The following PCYT1A variants were observed in gnomAD, a reference collection of about 807,000 sequenced individuals.
PCYT1A encodes the protein phosphate cytidylyltransferase 1A, choline.
PCYT1A carries 25 observed loss-of-function variants against 43.7 expected under a neutral mutation model. The observed-to-expected ratio is 0.57, with a 90% CI of 0.42 to 0.80. The LOEUF (loss-of-function observed/expected upper bound fraction) is 0.80, where lower values mean the gene tolerates loss of function less well. Ranked by LOEUF, PCYT1A falls within the 30% of genes least tolerant of loss-of-function variation. PCYT1A has a pLI of 0.00. For synonymous variants in PCYT1A, 172 were observed against 170.7 expected (o/e 1.01, Z -0.06); for missense variants, 421 against 474.2 (o/e 0.89, Z 1.04).
At position 196,277,859 on chromosome 3, in the gene PCYT1A, C is replaced by T. The variant is rs568643225; in HGVS notation, c.-10-7318G>A. On this transcript the variant is annotated intron_variant, in intron 1 of 8. Transcript: ENST00000431016. This position sits in a 1 kb window ranked among gnomAD's most constrained non-coding sequence, Gnocchi z 4.1. ...CTGCGCTCCAGCCTGGGCGACAGAG[C>T]GAGACTTTGTCTCAAAATAATAATA... Among the ~76,000 whole-genome samples, 16 of 152,302 alleles carry T rather than the reference C, an allele frequency of 1.1e-4. No individual in the cohort carries two copies. The highest frequency in any genetic ancestry group is 2.6e-4 in the African/African-American group (11 of 41,574).
At position 196,238,280 on chromosome 3, in the gene PCYT1A, C is replaced by T. The variant is rs373704432; in HGVS notation, c.*408G>A. 4.7e-4 allele frequency: 74 copies of T among 156,352 alleles called. No homozygotes were observed. Among genetic ancestry groups the T allele is most frequent in the Admixed American group, 1.4e-3 (22 of 15,400 alleles). The allele number at this position is 156,352 out of a possible 1,614,324, so 9.7% of individuals were successfully genotyped here. ...ACGGAAGGCAAATGCTATAGTATAC[C>T]GGGAAGAAAAGGCCTCTGCGTATTA... On this transcript the variant is annotated 3_prime_UTR_variant, in exon 9 of 9. Coordinates refer to ENST00000431016, the MANE Select transcript of PCYT1A (RefSeq NM_001312673.2).
chr3:196,236,252 A>C lies in PCYT1A; in HGVS notation c.*2436T>G, dbSNP rs146081746. The C allele has an allele frequency of 3.9e-4, 60 of 152,364 alleles. 1 individual carries two copies. Among genetic ancestry groups the C allele is most frequent in the African/African-American group, 1.2e-3 (48 of 41,566 alleles). The allele number at this position is 152,364 out of a possible 1,614,324, so 9.4% of individuals were successfully genotyped here. A position where few individuals can be genotyped will look rare whatever the true frequency, so the allele number is the denominator to read the frequency against. ...CCACGTTCCGGGCATCTCCCTGTCT[A>C]TCCAAATACACTTGCATAATGTGCA... On this transcript the variant is annotated 3_prime_UTR_variant, in exon 9 of 9. Transcript: ENST00000431016.
intron 2 of PCYT1A, among the ~76,000 whole-genome samples, chr3:196,263,962 A>G (rs1432177085): frequency 6.6e-6 from 1 of 152,146 alleles, no homozygotes; most frequent in Non-Finnish European, 1.5e-5. Flanking sequence ...AAAGAAAAGC[A>G]ATCATTCTCC....
intron 2 of PCYT1A, among the ~76,000 whole-genome samples, chr3:196,259,467 GA>G (rs1262101765): frequency 6.6e-6 from 1 of 152,146 alleles, no homozygotes; most frequent in Admixed American, 6.6e-5. Flanking sequence ...AGACTGGGAA[GA>G]TACTGTTTTG....
In PCYT1A at chr3:196,278,951, C is replaced by T. The variant is rs1331344777; in HGVS notation, c.-10-8410G>A. Reference sequence around the variant, plus strand: ...AGCCAAGATCGTTCCACTGTACTCCCGCCTGGGTGACAGAGCAAGACCTCA... The same window carrying T: ...AGCCAAGATCGTTCCACTGTACTCCTGCCTGGGTGACAGAGCAAGACCTCA... On this transcript the variant is annotated intron_variant, in intron 1 of 8. Transcript: ENST00000431016. Among the ~76,000 whole-genome samples the T allele has an allele frequency of 3.5e-5, 5 of 144,788 alleles. No homozygotes were observed. In the East Asian group the frequency reaches 1.0e-3, roughly 29 times the overall value. The allele number at this position is 144,788 out of a possible 152,430, so 95.0% of individuals were successfully genotyped here.
In PCYT1A at chr3:196,276,129, A is replaced by G. The variant is rs554581006; in HGVS notation, c.-10-5588T>C. Among the ~76,000 whole-genome samples, 12 of 151,962 alleles carry G rather than the reference A, an allele frequency of 7.9e-5. No individual in the cohort carries two copies. In the East Asian group the frequency reaches 1.9e-3, roughly 24 times the overall value. Reference sequence around the variant, plus strand: ...AAAAAAAACCAAAACAAAATAAATAATAATGCATTTTATATTTCAAAATTG... The same window carrying G: ...AAAAAAAACCAAAACAAAATAAATAGTAATGCATTTTATATTTCAAAATTG... On this transcript the variant is annotated intron_variant, in intron 1 of 8. Coordinates refer to ENST00000431016, the MANE Select transcript of PCYT1A (RefSeq NM_001312673.2).
chr3:196,263,843 A>G (rs1415601017), intron 2 of PCYT1A, among the ~76,000 whole-genome samples: 3 of 152,130 alleles, frequency 2.0e-5, no homozygotes, highest in African/African-American at 7.2e-5. Flanking sequence ...CATGTTGGCC[A>G]GGATGGTCTC....
rs929202545 is a variant in PCYT1A at position 196,252,698 on chromosome 3, A to G, written c.218-4375T>C. On this transcript the variant is annotated intron_variant, in intron 3 of 8. Transcript: ENST00000431016. This position sits in a 1 kb window ranked among gnomAD's most constrained non-coding sequence, Gnocchi z 4.0. ...TTTCCAACCAGCTTTCTTCCTCTGT[A>G]ACCTTAACTTCCTTATGCCTCAGTT... Among the ~76,000 whole-genome samples, 6 of 152,226 alleles carry G rather than the reference A, an allele frequency of 3.9e-5. No homozygotes were observed. The highest frequency in any genetic ancestry group is 1.4e-4 in the African/African-American group (6 of 41,466).
chr3:196,282,711 G>A lies in PCYT1A; in HGVS notation c.-11+4904C>T, dbSNP rs1161814856. On this transcript the variant is annotated intron_variant, in intron 1 of 8. Coordinates refer to ENST00000431016, the MANE Select transcript of PCYT1A (RefSeq NM_001312673.2). The surrounding 1 kb of genome is among the most constrained non-coding windows in gnomAD (Gnocchi z 4.3). ...GAACTCTAAAAGCTTTCACCACACT[G>A]CCAAAGGAGTCCATAACACAAAAAA... Among the ~76,000 whole-genome samples, 1 of 151,962 alleles carries A rather than the reference G, an allele frequency of 6.6e-6. No individual in the cohort carries two copies. The highest frequency in any genetic ancestry group is 2.4e-5 in the African/African-American group (1 of 41,356).
rs1190960246 is a variant in PCYT1A at position 196,284,595 on chromosome 3, C to T, written c.-11+3020G>A. Reference sequence around the variant, plus strand: ...ACTGCTAAGTCCAGGCTCTATCTGACGAGGTCATTCTTCTTAAGGGATCAC... The same window carrying T: ...ACTGCTAAGTCCAGGCTCTATCTGATGAGGTCATTCTTCTTAAGGGATCAC... On this transcript the variant is annotated intron_variant, in intron 1 of 8. Transcript: ENST00000431016. 6.6e-5 allele frequency among the ~76,000 whole-genome samples: 10 copies of T among 152,114 alleles called. No individual in the cohort carries two copies. In the South Asian group the frequency reaches 1.0e-3, roughly 16 times the overall value.
intron 2 of PCYT1A, among the ~76,000 whole-genome samples, chr3:196,266,210 C>T (rs1270762705): frequency 6.6e-6 from 1 of 152,022 alleles, no homozygotes; most frequent in Non-Finnish European, 1.5e-5. Context: ...CAGTAGCTCA[C>T]GCCTGTAATC....
chr3:196,281,183 G>A (rs1204507581), intron 1 of PCYT1A, among the ~76,000 whole-genome samples: 1 of 152,216 alleles, frequency 6.6e-6, no homozygotes, highest in Non-Finnish European at 1.5e-5. Flanking sequence ...TTCTACCGTG[G>A]TGGTGCTTAA....
chr3:196,274,834 T>C (rs1161401080), intron 1 of PCYT1A, among the ~76,000 whole-genome samples: 1 of 151,926 alleles, frequency 6.6e-6, no homozygotes, highest in Admixed American at 6.6e-5. Context: ...AATGTCAGAG[T>C]CGAAAGTGAA....
chr3:196,244,530 C>G (rs1212989367), intron 5 of PCYT1A, among the ~76,000 whole-genome samples: 1 of 151,320 alleles, frequency 6.6e-6, no homozygotes, highest in Non-Finnish European at 1.5e-5. Context: ...CGCCTCTGCC[C>G]GGCCGCCCCT....
At chr3:196,266,345 C>T (rs962307653) in intron 2 of PCYT1A, among the ~76,000 whole-genome samples, 17 of 151,088 alleles carry the variant, frequency 1.1e-4, no homozygotes, top group African/African-American at 4.1e-4. Context: ...TGGTGGCGGG[C>T]GCCTGTAGTC....
In PCYT1A at chr3:196,238,053, T is replaced by A. The variant is rs563812970; in HGVS notation, c.*635A>T. ...CCCATTGGGTCCAACAAGAAACTCCTCAGGGAGTAAGAAAAGTTAGGTTCA... is the reference window on the plus strand; with the variant it reads ...CCCATTGGGTCCAACAAGAAACTCCACAGGGAGTAAGAAAAGTTAGGTTCA... On this transcript the variant is annotated 3_prime_UTR_variant, in exon 9 of 9. Transcript: ENST00000431016. The A allele has an allele frequency of 6.6e-6, 1 of 152,382 alleles. No individual in the cohort carries two copies. Among genetic ancestry groups the A allele is most frequent in the South Asian group, 2.1e-4 (1 of 4,830 alleles). The allele number at this position is 152,382 out of a possible 1,614,324, so 9.4% of individuals were successfully genotyped here. A position where few individuals can be genotyped will look rare whatever the true frequency, so the allele number is the denominator to read the frequency against.
rs1352737444 is a variant in PCYT1A at position 196,273,137 on chromosome 3, A to G, written c.-10-2596T>C. Among the ~76,000 whole-genome samples, 1 of 152,198 alleles carries G rather than the reference A, an allele frequency of 6.6e-6. No homozygotes were observed. The highest frequency in any genetic ancestry group is 1.5e-5 in the Non-Finnish European group (1 of 68,028). On this transcript the variant is annotated intron_variant, in intron 1 of 8. Coordinates refer to ENST00000431016, the MANE Select transcript of PCYT1A (RefSeq NM_001312673.2). This position sits in a 1 kb window ranked among gnomAD's most constrained non-coding sequence, Gnocchi z 4.1. ...CTGCAGCTGAACCAGGCGTACTACA[A>G]GCAGCTTCCACTGCAGGCACTGGGG...
At chr3:196,267,290 C>T in intron 2 of PCYT1A, 4 of 456,412 alleles carry the variant, frequency 8.8e-6, no homozygotes, top group South Asian at 6.2e-5. Flanking sequence ...CGTATGATGT[C>T]ATTTGTATGA....
At chr3:196,257,921 C>A in intron 2 of PCYT1A, 34 bp from the exon 3 acceptor site, 8 of 1,259,198 alleles carry the variant, frequency 6.4e-6, no homozygotes, top group South Asian at 1.2e-5. Flanking sequence ...AAAGAAAGTT[C>A]AACTCAATGG....
Sources: allele counts gnomAD v4.1 joint callset (sites outside exome capture counted in the v4.1 genomes callset), GRCh38; gene constraint gnomAD v4.1.1; non-coding constraint Gnocchi (gnomAD v3.1); transcripts MANE v1.5; gene names NCBI Gene and HGNC (gene_info 2026-07-23, HGNC 2026-07-21).